MYRF: variants seen among roughly 807,000 people sequenced by gnomAD.
The protein encoded by MYRF is myelin regulatory factor, also known as myelin gene regulatory factor.
In MYRF, 16 loss-of-function variants were observed where a neutral mutation model predicts 126.3. That is an observed-to-expected ratio of 0.13 (90% confidence interval 0.09 to 0.19). MYRF has a LOEUF of 0.19. MYRF is among the 10% of genes least tolerant of loss of function. The pLI is 1.00. For synonymous variants in MYRF, 608 were observed against 635.3 expected, an observed-to-expected ratio of 0.96 and a Z score of 0.65; for missense variants, 1,104 against 1,547.0, an observed-to-expected ratio of 0.71 and a Z score of 4.80.
At chr11:61,762,878 C>G (rs903462305) in intron 1 of MYRF, among the ~76,000 whole-genome samples, 3 of 152,144 alleles carry the variant, frequency 2.0e-5, no homozygotes, top group African/African-American at 7.2e-5. Context: ...CTCCATCCTC[C>G]GTCCGCCCGG....
chr11:61,761,978 A>G (rs895179639), intron 1 of MYRF, among the ~76,000 whole-genome samples: 5 of 152,226 alleles, frequency 3.3e-5, no homozygotes, highest in African/African-American at 1.2e-4. Context: ...GTAGGCGGGA[A>G]GGTAAAGAAC....
intron 14 of MYRF, chr11:61,779,002 G>A: frequency 1.5e-6 from 1 of 654,322 alleles, no homozygotes; most frequent in Non-Finnish European, 2.8e-6. Flanking sequence ...CTGGCAGGGA[G>A]TGGGGAGGGC....
chr11:61,786,172 G>A lies in MYRF; in HGVS notation c.*29G>A. The A allele has an allele frequency of 6.2e-7, 1 of 1,607,174 alleles. No individual in the cohort carries two copies. Among genetic ancestry groups the A allele is most frequent in the South Asian group, 1.1e-5 (1 of 90,922 alleles). On this transcript the variant is annotated 3_prime_UTR_variant, in exon 27 of 27. Transcript: ENST00000278836. This position sits in a 1 kb window ranked among gnomAD's most constrained non-coding sequence, Gnocchi z 4.5. ...GCCCTCCTGAGGCAGCACCACACCA[G>A]GGACCAGGGGTGCCCAGGCACCCCC...
At chr11:61,785,238 C>A (rs2135904957) in intron 25 of MYRF, 1 of 156,312 alleles carries the variant, frequency 6.4e-6, no homozygotes, top group South Asian at 2.0e-4. Context: ...CCCAGCTAGA[C>A]ACACAGCAGA....
At chr11:61,761,241 G>T (rs1409328404) in intron 1 of MYRF, among the ~76,000 whole-genome samples, 1 of 134,156 alleles carries the variant, frequency 7.5e-6, no homozygotes, top group Non-Finnish European at 1.6e-5. Context: ...CCGAGACTCA[G>T]CCAACGGCCA....
chr11:61,777,509 C>A lies in MYRF; in HGVS notation c.1791+45C>A, dbSNP rs1027614416. On this transcript the variant is annotated intron_variant, in intron 12 of 26. Coordinates refer to ENST00000278836, the MANE Select transcript of MYRF (RefSeq NM_001127392.3). This position sits in a 1 kb window ranked among gnomAD's most constrained non-coding sequence, Gnocchi z 8.8. ...GGCCGGGCGGGTCCAGACGCTGGAG[C>A]GGGCCGCGGGGGCGGGGCTCCTGGG... 3.5e-6 allele frequency: 3 copies of A among 860,882 alleles called. No homozygotes were observed. In the African/African-American group the frequency reaches 5.6e-5, roughly 16 times the overall value. 53.3% of individuals were successfully genotyped at this position (860,882 alleles called of 1,614,324 possible). A position where few individuals can be genotyped will look rare whatever the true frequency, so the allele number is the denominator to read the frequency against.
At chr11:61,765,068 G>T (rs1761415977) in intron 1 of MYRF, among the ~76,000 whole-genome samples, 2 of 152,202 alleles carry the variant, frequency 1.3e-5, no homozygotes, top group South Asian at 4.1e-4. Context: ...CAGCCCTGTG[G>T]GCCCCCAGGA....
chr11:61,784,220 G>A, intron 24 of MYRF, 60 bp from the exon 25 acceptor site: 3 of 1,494,622 alleles, frequency 2.0e-6, no homozygotes, highest in Non-Finnish European at 1.8e-6. Flanking sequence ...CTGGCTGGGA[G>A]GGGGCTGGGG....
Position 61,771,821 on chromosome 11 carries a change from C to T in MYRF, c.992-8C>T, listed in dbSNP as rs764177926. ...TGCAGGGCCCACATGGGCGTTCCCT[C>T]CCTCCAGGCCTCCTGCAGGACAGTG... On this transcript the variant is annotated splice_polypyrimidine_tract_variant and splice_region_variant and intron_variant, in intron 6 of 26. Coordinates refer to ENST00000278836, the MANE Select transcript of MYRF (RefSeq NM_001127392.3). 3 of 1,613,970 alleles carry T rather than the reference C, an allele frequency of 1.9e-6. No individual in the cohort carries two copies. The African/African-American group carries it at 4.0e-5, about 22-fold the overall frequency.
At position 61,774,535 on chromosome 11, in the gene MYRF, A is replaced by G. The variant is rs201637694; in HGVS notation, c.1311+373A>G. Among the ~76,000 whole-genome samples, 131 of 72,198 alleles carry G rather than the reference A, an allele frequency of 1.8e-3. 1 individual carries two copies. The East Asian group carries it at 0.039, about 22-fold the overall frequency. The allele number at this position is 72,198 out of a possible 152,430, so 47.4% of individuals were successfully genotyped here. A position where few individuals can be genotyped will look rare whatever the true frequency, so the allele number is the denominator to read the frequency against. On this transcript the variant is annotated intron_variant, in intron 8 of 26. Coordinates refer to ENST00000278836, the MANE Select transcript of MYRF (RefSeq NM_001127392.3). ...GGACTTCATCTCAAAAAAAAAAAAG[A>G]AAAAAAAAAAAGCAAGCATCTGTGT... is the stretch of plus-strand genomic sequence containing the variant.
chr11:61,777,973 C>A lies in MYRF; in HGVS notation c.1903+128C>A. On this transcript the variant is annotated intron_variant, in intron 13 of 26. Coordinates refer to ENST00000278836, the MANE Select transcript of MYRF (RefSeq NM_001127392.3). This position sits in a 1 kb window ranked among gnomAD's most constrained non-coding sequence, Gnocchi z 8.8. ...CGGAACTGCGCCCCTGGGAATCATG[C>A]CTTCTAGAAGTCCCGCCCCTCGGAC... 2.7e-6 allele frequency: 2 copies of A among 752,690 alleles called. No homozygotes were observed. The highest frequency in any genetic ancestry group is 1.6e-5 in the South Asian group (1 of 63,570). The allele number at this position is 752,690 out of a possible 1,614,324, so 46.6% of individuals were successfully genotyped here.
intron 24 of MYRF, 147 bp from the exon 25 acceptor site, chr11:61,784,132 TG>T: frequency 2.1e-6 from 2 of 961,874 alleles, no homozygotes; most frequent in Non-Finnish European, 3.1e-6. Flanking sequence ...GGATGGTCGA[TG>T]GGAAAGGTTT....
chr11:61,769,454 C>G (rs909263720), intron 4 of MYRF, 133 bp downstream of exon 4: 6 of 683,782 alleles, frequency 8.8e-6, no homozygotes, highest in Non-Finnish European at 1.5e-5. Flanking sequence ...TGGTCAAATA[C>G]TCCCTGGCGC....
Position 61,770,309 on chromosome 11 carries a change from T to A in MYRF, c.524T>A (p.Leu175Gln), listed in dbSNP as rs906050477. ...TLCHVGVPSR[L>Q]EHPPPPPAHL... ...TGCCACGTGGGAGTGCCCTCCCGCCTGGAGCATCCGCCCCCACCTCCAGCC... is the reference window on the plus strand; with the variant it reads ...TGCCACGTGGGAGTGCCCTCCCGCCAGGAGCATCCGCCCCCACCTCCAGCC... The change falls in exon 5 of 27, where the codon CTG (leucine) becomes CAG (glutamine). Residue 175 changes from leucine to glutamine, a missense_variant. By Grantham distance (113) the Leu-to-Gln change is moderately radical. Coordinates refer to ENST00000278836, the MANE Select transcript of MYRF (RefSeq NM_001127392.3). The A allele has an allele frequency of 1.9e-5, 30 of 1,601,138 alleles. No individual in the cohort carries two copies. The highest frequency in any genetic ancestry group is 2.5e-5 in the Non-Finnish European group (29 of 1,175,652).
chr11:61,758,694 G>A (rs529644281), intron 1 of MYRF, among the ~76,000 whole-genome samples: 7 of 152,284 alleles, frequency 4.6e-5, no homozygotes, highest in East Asian at 1.9e-4. Flanking sequence ...CTTTTGCACC[G>A]GCTGTCCCCG....
In MYRF at chr11:61,783,701, C is replaced by G; in HGVS notation, c.3119+101C>G. The G allele has an allele frequency of 7.3e-7, 1 of 1,372,718 alleles. No homozygotes were observed. Among genetic ancestry groups the G allele is most frequent in the Middle Eastern group, 2.1e-4 (1 of 4,656 alleles). The allele number at this position is 1,372,718 out of a possible 1,614,324, so 85.0% of individuals were successfully genotyped here. ...CTTGCCCTTTCAGGGAGGAGCCTCC[C>G]CCATAAGGAAGGGTAGCCCCTTTCC... On this transcript the variant is annotated intron_variant, in intron 23 of 26. Coordinates refer to ENST00000278836, the MANE Select transcript of MYRF (RefSeq NM_001127392.3). The surrounding 1 kb of genome is among the most constrained non-coding windows in gnomAD (Gnocchi z 4.6).
chr11:61,776,492 C>A lies in MYRF; in HGVS notation c.1499+60C>A. 7.1e-7 allele frequency: 1 copy of A among 1,411,166 alleles called. No individual in the cohort carries two copies. The allele number at this position is 1,411,166 out of a possible 1,614,324, so 87.4% of individuals were successfully genotyped here. On this transcript the variant is annotated intron_variant, in intron 10 of 26. Transcript: ENST00000278836. The surrounding 1 kb of genome is among the most constrained non-coding windows in gnomAD (Gnocchi z 4.3). The stretch of plus-strand genomic sequence containing the variant: ...CATTTCTGAGGCAGGAAGACACTGC[C>A]CTGGGTGGCACACCAGGCACAGAGT...
Position 61,780,822 on chromosome 11 carries a change from G to C in MYRF, c.2486+30G>C. ...GTGCTGACCAGCGCCCCTCTCCTCT[G>C]GCTCCTGCTGCCCCTCTTCCTGCCT... is the stretch of plus-strand genomic sequence containing the variant. On this transcript the variant is annotated intron_variant, in intron 19 of 26. Coordinates refer to ENST00000278836, the MANE Select transcript of MYRF (RefSeq NM_001127392.3). 3 of 1,549,894 alleles carry C rather than the reference G, an allele frequency of 1.9e-6. No homozygotes were observed. In the South Asian group the frequency reaches 3.5e-5, roughly 18 times the overall value.
Position 61,766,182 on chromosome 11 carries a change from C to T in MYRF, c.359C>T (p.Pro120Leu). 6.2e-7 allele frequency: 1 copy of T among 1,611,562 alleles called. No individual in the cohort carries two copies. The highest frequency in any genetic ancestry group is 2.2e-5 in the East Asian group (1 of 44,864). The part of the protein sequence containing the change: ...APKPFPGGTG[P>L]PIKAEPKAPY... ...AAGCCCTTCCCGGGGGGCACCGGGC[C>T]CCCCATCAAGGCTGAGCCCAAGGCT... Residue 120 changes from proline (P) to leucine (L), a missense_variant, in exon 3 of 27, where the codon CCC becomes CTC. By Grantham distance (98) the Pro-to-Leu change is moderately conservative. Transcript: ENST00000278836.
Sources: gnomAD v4.1 joint callset for allele counts (sites outside exome capture counted in the v4.1 genomes callset) on GRCh38, gnomAD v4.1.1 for gene constraint, Gnocchi (gnomAD v3.1) non-coding constraint, MANE v1.5 for transcripts, NCBI Gene and HGNC (gene_info 2026-07-23, HGNC 2026-07-21) for gene names.